The following SLC9A3 variants were observed in gnomAD, a reference collection of about 807,000 sequenced individuals.
The protein encoded by SLC9A3 is sodium/hydrogen exchanger 3.
SLC9A3 carries 37 observed loss-of-function variants against 86.8 expected under a neutral mutation model. That is an observed-to-expected ratio of 0.43 (90% CI 0.33 to 0.56). SLC9A3 has a LOEUF of 0.56. Ranked by LOEUF, SLC9A3 falls within the 20% of genes least tolerant of loss-of-function variation. SLC9A3 has a pLI of 0.06. For missense variants in SLC9A3, 1,011 were observed against 1,171.9 expected, an observed-to-expected ratio of 0.86 and a Z score of 2.00; for synonymous variants, 581 against 528.3, an observed-to-expected ratio of 1.10 and a Z score of -1.37.
intron 1 of SLC9A3, among the ~76,000 whole-genome samples, chr5:493,148 G>T (rs763078336): frequency 5.9e-5 from 9 of 151,394 alleles, no homozygotes; most frequent in Non-Finnish European, 1.2e-4. Flanking sequence ...GAATTCCTGC[G>T]CTCGGCCTGA....
chr5:482,410 T>G (rs1290600664), intron 7 of SLC9A3, 138 bp downstream of exon 7: 4 of 767,530 alleles, frequency 5.2e-6, no homozygotes, highest in African/African-American at 1.7e-5. Flanking sequence ...CGTGAAAACC[T>G]ACAAAACGGC....
rs970173326 is a variant in SLC9A3 at position 477,503 on chromosome 5, T to C, written c.1648-59A>G. On this transcript the variant is annotated intron_variant, in intron 10 of 16. Transcript: ENST00000264938. ...AGCAGCCAAGCCCTAGCTGCTGCCATTGTGTGCCCTGGGGGGAAGCGCCCA... is the reference window on the plus strand; with the variant it reads ...AGCAGCCAAGCCCTAGCTGCTGCCACTGTGTGCCCTGGGGGGAAGCGCCCA... 2.4e-5 allele frequency: 31 copies of C among 1,301,884 alleles called. No homozygotes were observed. In the African/African-American group the frequency reaches 4.3e-4, roughly 18 times the overall value. 80.6% of individuals were successfully genotyped at this position (1,301,884 alleles called of 1,614,324 possible).
chr5:483,152 T>C (rs72700694), intron 6 of SLC9A3, 110 bp downstream of exon 6: 204,825 of 849,216 alleles, frequency 0.24, 26,754 homozygotes, highest in Non-Finnish European at 0.27. Flanking sequence ...TCCTCTGCCT[T>C]GCACGGGGCT....
At chr5:481,447 C>T (rs1010220995) in intron 9 of SLC9A3, 118 bp downstream of exon 9, 46 of 891,232 alleles carry the variant, frequency 5.2e-5, no homozygotes, top group Non-Finnish European at 8.4e-5. Flanking sequence ...GGCACCGGAG[C>T]CCTGACCAAG....
chr5:492,632 G>A (rs1253951948), intron 1 of SLC9A3, among the ~76,000 whole-genome samples: 1 of 151,894 alleles, frequency 6.6e-6, no homozygotes, highest in South Asian at 2.1e-4. Flanking sequence ...GCTATGGGGT[G>A]GAGGCCCGTG....
rs1409540608 is a variant in SLC9A3, at chr5:500,810, G to C, written c.212-8739C>G. Among the ~76,000 whole-genome samples the C allele has an allele frequency of 2.9e-5, 4 of 139,510 alleles. No individual in the cohort carries two copies. In the South Asian group the frequency reaches 9.7e-4, roughly 34 times the overall value. The allele number at this position is 139,510 out of a possible 152,430, so 91.5% of individuals were successfully genotyped here. On this transcript the variant is annotated intron_variant, in intron 1 of 16. Coordinates refer to ENST00000264938, the MANE Select transcript of SLC9A3 (RefSeq NM_004174.4). Reference sequence around the variant, plus strand: ...AGTGTGGAAGGGGCTGGTGTGGATGGGGCAGGCGTGGATGGGGCTGGTGGG... The same window carrying C: ...AGTGTGGAAGGGGCTGGTGTGGATGCGGCAGGCGTGGATGGGGCTGGTGGG...
At chr5:477,215 A>C in intron 11 of SLC9A3, 117 bp downstream of exon 11, 1 of 669,308 alleles carries the variant, frequency 1.5e-6, no homozygotes, top group Non-Finnish European at 2.6e-6. Flanking sequence ...CTCTTTCTGC[A>C]CCTCTCCCCT....
At chr5:499,716 C>A (rs1392613865) in intron 1 of SLC9A3, among the ~76,000 whole-genome samples, 1 of 152,192 alleles carries the variant, frequency 6.6e-6, no homozygotes, top group Non-Finnish European at 1.5e-5. Context: ...CGTGGGCCCT[C>A]GAGGCTCTAG....
Position 497,932 on chromosome 5 carries a change from G to A in SLC9A3, c.212-5861C>T, listed in dbSNP as rs1447525441. 6.6e-6 allele frequency among the ~76,000 whole-genome samples: 1 copy of A among 152,156 alleles called. No individual in the cohort carries two copies. The highest frequency in any genetic ancestry group is 1.5e-5 in the Non-Finnish European group (1 of 68,004). On this transcript the variant is annotated intron_variant, in intron 1 of 16. Transcript: ENST00000264938. The surrounding 1 kb of genome is among the most constrained non-coding windows in gnomAD (Gnocchi z 5.4). ...GCCGCATCCCCAGCCTCTGCCCTCCGACAACTCAGGCACCTGCTGGTCAGC... is the reference window on the plus strand; with the variant it reads ...GCCGCATCCCCAGCCTCTGCCCTCCAACAACTCAGGCACCTGCTGGTCAGC...
chr5:484,393 A>G (rs1222548502), intron 5 of SLC9A3, 127 bp downstream of exon 5: 2 of 504,652 alleles, frequency 4.0e-6, no homozygotes, highest in Non-Finnish European at 3.5e-6. Flanking sequence ...GCCCCGCCGG[A>G]CCCAGGAGGG....
In SLC9A3 at chr5:491,490, T is replaced by A. The variant is rs1739736335; in HGVS notation, c.514+279A>T. On this transcript the variant is annotated intron_variant, in intron 2 of 16. Coordinates refer to ENST00000264938, the MANE Select transcript of SLC9A3 (RefSeq NM_004174.4). This position sits in a 1 kb window ranked among gnomAD's most constrained non-coding sequence, Gnocchi z 9.2. Reference sequence around the variant, plus strand: ...TGGACGGACCCCTACCTCTGCCCAGTGCCGGAGGAAGAGCGGCAGCCCCTG... The same window carrying A: ...TGGACGGACCCCTACCTCTGCCCAGAGCCGGAGGAAGAGCGGCAGCCCCTG... Among the ~76,000 whole-genome samples the A allele has an allele frequency of 6.6e-6, 1 of 152,102 alleles. No individual in the cohort carries two copies. The highest frequency in any genetic ancestry group is 1.5e-5 in the Non-Finnish European group (1 of 67,974).
At position 509,433 on chromosome 5, in the gene SLC9A3, G is replaced by A. The variant is rs557865999; in HGVS notation, c.211+14679C>T. 5.0e-4 allele frequency among the ~76,000 whole-genome samples: 72 copies of A among 144,200 alleles called. 1 individual carries two copies. The highest frequency in any genetic ancestry group is 1.7e-3 in the African/African-American group (66 of 39,904). The allele number at this position is 144,200 out of a possible 152,430, so 94.6% of individuals were successfully genotyped here. A position where few individuals can be genotyped will look rare whatever the true frequency, so the allele number is the denominator to read the frequency against. ...CATGCCACTGCACTGCAGCCTGGGC[G>A]AGAGAGTGAGATGGAAGGAAGGAAG... On this transcript the variant is annotated intron_variant, in intron 1 of 16. Coordinates refer to ENST00000264938, the MANE Select transcript of SLC9A3 (RefSeq NM_004174.4).
intron 1 of SLC9A3, among the ~76,000 whole-genome samples, chr5:493,816 C>T (rs944349859): frequency 6.6e-6 from 1 of 152,210 alleles, no homozygotes; most frequent in African/African-American, 2.4e-5. Context: ...CTGAGCCCCC[C>T]GACGGCTCCC....
At chr5:514,337 G>C (rs1189231774) in intron 1 of SLC9A3, among the ~76,000 whole-genome samples, 2 of 152,150 alleles carry the variant, frequency 1.3e-5, no homozygotes, top group Non-Finnish European at 2.9e-5. Flanking sequence ...CCCTCCAGGG[G>C]CTCTGTCCCT....
intron 1 of SLC9A3, among the ~76,000 whole-genome samples, chr5:514,253 G>C (rs1733658853): frequency 6.6e-6 from 1 of 152,186 alleles, no homozygotes; most frequent in Non-Finnish European, 1.5e-5. Context: ...GGCAGTCCCG[G>C]TTCCAAGACG....
intron 1 of SLC9A3, among the ~76,000 whole-genome samples, chr5:522,487 C>G (rs984592317): frequency 1.3e-5 from 2 of 152,116 alleles, no homozygotes; most frequent in Non-Finnish European, 2.9e-5. Context: ...CGGCCGGGCG[C>G]GGTGGCTCAC....
At position 471,933 on chromosome 5, in the gene SLC9A3, ACTC is replaced by A. The variant is rs909082508; in HGVS notation, c.*1443_*1445del. 3.3e-5 allele frequency: 15 copies of A among 456,400 alleles called. No individual in the cohort carries two copies. Among genetic ancestry groups the A allele is most frequent in the African/African-American group, 1.4e-4 (7 of 50,030 alleles). The allele number at this position is 456,400 out of a possible 1,614,324, so 28.3% of individuals were successfully genotyped here. On this transcript the variant is annotated 3_prime_UTR_variant, in exon 17 of 17. Coordinates refer to ENST00000264938, the MANE Select transcript of SLC9A3 (RefSeq NM_004174.4). ...TCAGTCAACATAAAACTCTTTAAGA[ACTC>A]CTCCTGACTGGTGACTGTCAACACT...
chr5:503,962 C>G (rs1393968909), intron 1 of SLC9A3, among the ~76,000 whole-genome samples: 1 of 152,216 alleles, frequency 6.6e-6, no homozygotes, highest in Non-Finnish European at 1.5e-5. Context: ...CCTGGATTCT[C>G]AGGGTCCCAC....
At chr5:488,225 G>T (rs565304084) in intron 3 of SLC9A3, 91 bp downstream of exon 3, 4 of 1,411,996 alleles carry the variant, frequency 2.8e-6, no homozygotes, top group South Asian at 1.2e-5. Flanking sequence ...AGGGTTTCAC[G>T]CCCTCCTTTG....
Sources: allele counts gnomAD v4.1 joint callset (sites outside exome capture counted in the v4.1 genomes callset), GRCh38; gene constraint gnomAD v4.1.1; non-coding constraint Gnocchi (gnomAD v3.1); transcripts MANE v1.5; gene names NCBI Gene and HGNC (gene_info 2026-07-23, HGNC 2026-07-21).